The following PLXDC2 variants were observed in gnomAD, a reference collection of about 807,000 sequenced individuals.
PLXDC2 encodes the protein plexin domain containing 2.
A neutral mutation model predicts 68.9 loss-of-function variants in PLXDC2; 40 were observed. The observed-to-expected ratio is 0.58, with a 90% CI of 0.45 to 0.76. The LOEUF is 0.76. Ranked by LOEUF, PLXDC2 falls within the 30% of genes least tolerant of loss-of-function variation. PLXDC2 has a pLI of 0.00. For missense variants in PLXDC2, 644 were observed against 661.9 expected, an observed-to-expected ratio of 0.97 and a Z score of 0.30; for synonymous variants, 243 against 234.2, an observed-to-expected ratio of 1.04 and a Z score of -0.34.
At chr10:20,047,698 A>T (rs2131683950) in intron 3 of PLXDC2, among the ~76,000 whole-genome samples, 1 of 152,282 alleles carries the variant, frequency 6.6e-6, no homozygotes, top group South Asian at 2.1e-4. Flanking sequence ...TTCAAGGGCC[A>T]GCCTGAATGC....
intron 9 of PLXDC2, 42 bp from the exon 10 acceptor site, chr10:20,211,627 C>G: frequency 6.3e-7 from 1 of 1,595,896 alleles, no homozygotes; most frequent in South Asian, 1.1e-5. Flanking sequence ...ACCCTGCACC[C>G]TATCCTTCCT....
intron 1 of PLXDC2, among the ~76,000 whole-genome samples, chr10:19,870,741 T>C (rs1380516188): frequency 6.6e-6 from 1 of 152,198 alleles, no homozygotes; most frequent in Non-Finnish European, 1.5e-5. Flanking sequence ...CTACTATTTG[T>C]ACTTCAACTA....
chr10:19,836,216 G>T, intron 1 of PLXDC2, among the ~76,000 whole-genome samples: 1 of 151,966 alleles, frequency 6.6e-6, no homozygotes, highest in East Asian at 1.9e-4. Context: ...GGAAGTAAAT[G>T]ACAGAGAGGG....
In PLXDC2 at chr10:20,217,562, G is replaced by A. The variant is rs374351012; in HGVS notation, c.1259G>A (p.Ser420Asn). The change falls in exon 11 of 14, where the codon AGC becomes AAC. Residue 420 changes from serine to asparagine, a missense_variant. This residue lies in a region of PLXDC2 where 330 missense variants were observed against 327.9 expected (regional missense o/e 1.01). Coordinates refer to ENST00000377252, the MANE Select transcript of PLXDC2 (RefSeq NM_032812.9). ...RRAVTSQFPT[S>N]LPTEDDTKIA... ...GCAGTGACTTCTCAGTTTCCCACCA[G>A]CCTCCCTACAGAAGGTACCCAAGAG... 233 of 1,365,810 alleles carry A rather than the reference G, an allele frequency of 1.7e-4. No individual in the cohort carries two copies. The highest frequency in any genetic ancestry group is 2.2e-4 in the Non-Finnish European group (223 of 1,010,134). The allele number at this position is 1,365,810 out of a possible 1,614,324, so 84.6% of individuals were successfully genotyped here.
chr10:20,094,903 C>A (rs1201837572), intron 4 of PLXDC2, among the ~76,000 whole-genome samples: 1 of 152,084 alleles, frequency 6.6e-6, no homozygotes. Flanking sequence ...TTCATTGATT[C>A]AAGAAACATT....
chr10:19,850,839 A>G (rs1371695548), intron 1 of PLXDC2, among the ~76,000 whole-genome samples: 2 of 152,204 alleles, frequency 1.3e-5, no homozygotes, highest in Non-Finnish European at 2.9e-5. Flanking sequence ...GGATTCAGCC[A>G]TAAAGCCCAG....
chr10:19,880,563 CTG>C (rs2131350220), intron 1 of PLXDC2, among the ~76,000 whole-genome samples: 1 of 152,250 alleles, frequency 6.6e-6, no homozygotes, highest in African/African-American at 2.4e-5. Flanking sequence ...ATGTGGGTAA[CTG>C]AGACTTTGGA....
chr10:20,259,753 C>T (rs562649700), intron 13 of PLXDC2, among the ~76,000 whole-genome samples: 11 of 152,190 alleles, frequency 7.2e-5, no homozygotes, highest in Non-Finnish European at 1.3e-4. Flanking sequence ...GTGCCCACTC[C>T]AGTTGCAGGT....
intron 2 of PLXDC2, among the ~76,000 whole-genome samples, chr10:20,005,394 A>G (rs933468527): frequency 2.0e-5 from 3 of 152,212 alleles, no homozygotes; most frequent in Admixed American, 6.5e-5. Flanking sequence ...AAAGTCCTCA[A>G]GTAGCTCCTT....
chr10:20,159,240 TGAGTGAGTCCTCTG>T (rs1232687096), intron 6 of PLXDC2, among the ~76,000 whole-genome samples: 2 of 152,190 alleles, frequency 1.3e-5, no homozygotes, highest in African/African-American at 4.8e-5. Flanking sequence ...GACCGTGAAG[TGAGTGAGTCCTCTG>T]GAGTTGTACA....
intron 8 of PLXDC2, 74 bp downstream of exon 8, chr10:20,177,168 A>T: frequency 7.2e-7 from 1 of 1,385,458 alleles, no homozygotes; most frequent in Non-Finnish European, 1.0e-6. Context: ...AATAGTTATA[A>T]TAATCATATT....
At chr10:20,113,798 C>T (rs1045394245) in intron 4 of PLXDC2, among the ~76,000 whole-genome samples, 1 of 152,086 alleles carries the variant, frequency 6.6e-6, no homozygotes, top group Non-Finnish European at 1.5e-5. Flanking sequence ...AAAACATTCT[C>T]CTTAATGTGG....
intron 1 of PLXDC2, among the ~76,000 whole-genome samples, chr10:19,934,757 T>C (rs765440671): frequency 6.6e-6 from 1 of 152,212 alleles, no homozygotes; most frequent in African/African-American, 2.4e-5. Flanking sequence ...CTAGTTTGCG[T>C]TCTAGACTGT....
intron 12 of PLXDC2, among the ~76,000 whole-genome samples, chr10:20,219,793 A>T (rs1835186439): frequency 6.6e-6 from 1 of 152,176 alleles, no homozygotes; most frequent in African/African-American, 2.4e-5. Context: ...CAGCTCAGGG[A>T]AAGGGTGTCC....
intron 1 of PLXDC2, among the ~76,000 whole-genome samples, chr10:19,936,066 G>T (rs551460088): frequency 1.3e-5 from 2 of 152,312 alleles, no homozygotes; most frequent in East Asian, 1.9e-4. Context: ...TGCTCATGGG[G>T]TGTCTTGATT....
At chr10:19,858,071 G>T (rs961909119) in intron 1 of PLXDC2, among the ~76,000 whole-genome samples, 13 of 152,066 alleles carry the variant, frequency 8.5e-5, no homozygotes, top group Non-Finnish European at 1.8e-4. Context: ...ATGCAGCTAG[G>T]TTGGCCAAAC....
intron 1 of PLXDC2, among the ~76,000 whole-genome samples, chr10:19,857,698 G>C (rs760269512): frequency 1.3e-5 from 2 of 152,128 alleles, no homozygotes; most frequent in East Asian, 3.9e-4. Flanking sequence ...AACTAACAAA[G>C]ACATTAGAGA....
chr10:20,247,725 G>A (rs1205978568), intron 13 of PLXDC2, among the ~76,000 whole-genome samples: 1 of 152,162 alleles, frequency 6.6e-6, no homozygotes, highest in African/African-American at 2.4e-5. Flanking sequence ...ACTTGTAAGT[G>A]CCTTAAGATT....
intron 1 of PLXDC2, among the ~76,000 whole-genome samples, chr10:19,828,461 G>A (rs1325884786): frequency 6.6e-6 from 1 of 152,122 alleles, no homozygotes; most frequent in African/African-American, 2.4e-5. Flanking sequence ...CACAGTCCAT[G>A]ACTGGCTACG....
Sources: gnomAD v4.1 joint callset for allele counts (sites outside exome capture counted in the v4.1 genomes callset) on GRCh38, gnomAD v4.1.1 for gene constraint, gnomAD v4.1.1 regional missense constraint, MANE v1.5 for transcripts, NCBI Gene and HGNC (gene_info 2026-07-23, HGNC 2026-07-21) for gene names.